Variants in SRD5A1 observed in about 807,000 individuals in gnomAD.
SRD5A1 encodes the protein steroid 5 alpha-reductase 1.
Under a neutral mutation model 28.2 loss-of-function variants are expected in SRD5A1, and 22 were observed. The ratio of observed to expected loss-of-function variants is 0.78; its 90% CI spans 0.56 to 1.12. The LOEUF is 1.12. Ranked by LOEUF, SRD5A1 falls within the 50% of genes most tolerant of loss-of-function variation. The pLI is 0.00. For missense variants in SRD5A1, 300 were observed against 346.7 expected, an observed-to-expected ratio of 0.87 and a Z score of 1.07; for synonymous variants, 151 against 135.0, an observed-to-expected ratio of 1.12 and a Z score of -0.82.
At chr5:6,663,012 ATAT>A in intron 4 of SRD5A1, 46 bp downstream of exon 4, 1 of 1,593,706 alleles carries the variant, frequency 6.3e-7, no homozygotes, top group Non-Finnish European at 8.6e-7. Context: ...TTCTTTGACT[ATAT>A]TATTACCATT....
chr5:6,641,996 C>T lies in SRD5A1; in HGVS notation c.293+8127C>T, dbSNP rs577354071. Among the ~76,000 whole-genome samples the T allele has an allele frequency of 2.4e-4, 36 of 152,306 alleles. No homozygotes were observed. In the South Asian group the frequency reaches 7.2e-3, roughly 31 times the overall value. Reference sequence around the variant, plus strand: ...AGAGCCAGGTAGTGCATATCTTAGGCTTTGTGGGCCAAGATACTGGGTAGG... The same window carrying T: ...AGAGCCAGGTAGTGCATATCTTAGGTTTTGTGGGCCAAGATACTGGGTAGG... On this transcript the variant is annotated intron_variant, in intron 1 of 4. Transcript: ENST00000274192.
At chr5:6,663,804 G>A (rs181563308) in intron 4 of SRD5A1, among the ~76,000 whole-genome samples, 69 of 152,140 alleles carry the variant, frequency 4.5e-4, no homozygotes, top group African/African-American at 1.5e-3. Context: ...AGGCTGCAGT[G>A]AGCCGATATC....
chr5:6,658,084 AG>A (rs1738884720), intron 3 of SRD5A1, among the ~76,000 whole-genome samples: 1 of 152,110 alleles, frequency 6.6e-6, no homozygotes, highest in South Asian at 2.1e-4. Flanking sequence ...CAGCATGTTG[AG>A]AGGCCGAGGT....
chr5:6,666,194 C>T (rs1460821094), intron 4 of SRD5A1, among the ~76,000 whole-genome samples: 1 of 152,052 alleles, frequency 6.6e-6, no homozygotes, highest in Non-Finnish European at 1.5e-5. Flanking sequence ...GTCGCCCAGG[C>T]TGGAGTGCAG....
At chr5:6,663,646 G>A (rs367695421) in intron 4 of SRD5A1, among the ~76,000 whole-genome samples, 3 of 152,268 alleles carry the variant, frequency 2.0e-5, no homozygotes, top group East Asian at 3.9e-4. Flanking sequence ...GATCACTTGA[G>A]GTCAGGAGTT....
intron 3 of SRD5A1, among the ~76,000 whole-genome samples, chr5:6,659,957 G>A (rs1459506054): frequency 6.6e-6 from 1 of 152,140 alleles, no homozygotes; most frequent in Non-Finnish European, 1.5e-5. Context: ...CTAATACACA[G>A]GTGTGCCGTC....
chr5:6,649,363 T>C (rs1375744600), intron 1 of SRD5A1, among the ~76,000 whole-genome samples: 3 of 152,168 alleles, frequency 2.0e-5, no homozygotes, highest in Non-Finnish European at 4.4e-5. Flanking sequence ...GGAGCTGCGG[T>C]TGGCTCTGCC....
chr5:6,639,714 C>A (rs577949070), intron 1 of SRD5A1, among the ~76,000 whole-genome samples: 1 of 152,118 alleles, frequency 6.6e-6, no homozygotes, highest in African/African-American at 2.4e-5. Flanking sequence ...TGAATTTCTC[C>A]GTGTCTCTCA....
intron 1 of SRD5A1, among the ~76,000 whole-genome samples, chr5:6,640,839 T>C (rs1009001148): frequency 6.6e-6 from 1 of 152,254 alleles, no homozygotes; most frequent in African/African-American, 2.4e-5. Context: ...AGAAAACAGA[T>C]ATATGACACA....
chr5:6,665,624 T>C (rs1374791031), intron 4 of SRD5A1, among the ~76,000 whole-genome samples: 2 of 152,150 alleles, frequency 1.3e-5, no homozygotes, highest in African/African-American at 4.8e-5. Context: ...ATATTCCTAA[T>C]ATTTGATGTG....
chr5:6,660,426 A>G (rs956276834), intron 3 of SRD5A1, among the ~76,000 whole-genome samples: 1 of 152,240 alleles, frequency 6.6e-6, no homozygotes, highest in Non-Finnish European at 1.5e-5. Flanking sequence ...TGGCATCTGC[A>G]GGGTATGGTA....
chr5:6,673,660 G>A lies in SRD5A1; in HGVS notation c.*5392G>A, dbSNP rs192539090. The A allele has an allele frequency of 8.5e-5, 13 of 152,276 alleles. No individual in the cohort carries two copies. In the East Asian group the frequency reaches 1.9e-3, roughly 23 times the overall value. The allele number at this position is 152,276 out of a possible 1,614,324, so 9.4% of individuals were successfully genotyped here. ...GTTTATAGCAGCTTTACTCAAAATT[G>A]CCAAAAATTGGAAGCAACCAAGATG... On this transcript the variant is annotated 3_prime_UTR_variant, in exon 5 of 5. Coordinates refer to ENST00000274192, the MANE Select transcript of SRD5A1 (RefSeq NM_001047.4).
chr5:6,662,050 G>C (rs921698011), intron 3 of SRD5A1, among the ~76,000 whole-genome samples: 3 of 152,060 alleles, frequency 2.0e-5, no homozygotes, highest in Non-Finnish European at 4.4e-5. Flanking sequence ...CCCCTCATCT[G>C]GTCTTTGGAG....
At chr5:6,659,277 C>G (rs1738930510) in intron 3 of SRD5A1, among the ~76,000 whole-genome samples, 1 of 151,964 alleles carries the variant, frequency 6.6e-6, no homozygotes, top group Non-Finnish European at 1.5e-5. Context: ...CCACGCCTGG[C>G]TAATTTTTTG....
intron 4 of SRD5A1, among the ~76,000 whole-genome samples, chr5:6,666,430 C>G (rs8192245): frequency 0.065 from 9,900 of 152,250 alleles, 375 homozygotes; most frequent in Admixed American, 0.1. Flanking sequence ...TTACAGGCGT[C>G]AGCCACCGCG....
chr5:6,633,728 C>G lies in SRD5A1; in HGVS notation c.152C>G (p.Pro51Arg). The G allele has an allele frequency of 6.3e-7, 1 of 1,594,180 alleles. No individual in the cohort carries two copies. Among genetic ancestry groups the G allele is most frequent in the Admixed American group, 1.7e-5 (1 of 59,694 alleles). Residue 51 changes from proline (P) to arginine (R), a missense_variant, in exon 1 of 5, where the codon CCG (proline) becomes CGG (arginine). By Grantham distance (103) the Pro-to-Arg change is moderately radical. Transcript: ENST00000274192. ...CTGCCCAGCCACAGGCTCCGAGTGC[C>G]GGCGCGGGCCGCCTGGGTGGTGCAG... Reference protein sequence around the residue: ...HALPSHRLRVPARAAWVVQEL... With the variant: ...HALPSHRLRVRARAAWVVQEL...
intron 1 of SRD5A1, among the ~76,000 whole-genome samples, chr5:6,641,122 G>A (rs1738344144): frequency 6.6e-6 from 1 of 152,142 alleles, no homozygotes; most frequent in African/African-American, 2.4e-5. Flanking sequence ...GTCCAGGCAG[G>A]TGCACCCACC....
At chr5:6,644,926 T>C (rs1205540355) in intron 1 of SRD5A1, 1 of 455,934 alleles carries the variant, frequency 2.2e-6, no homozygotes, top group Non-Finnish European at 4.4e-6. Context: ...TTGCTGGGAT[T>C]CGTTGTTCTT....
At chr5:6,668,049 A>C (rs902172135) in intron 4 of SRD5A1, among the ~76,000 whole-genome samples, 153 bp from the exon 5 acceptor site, 1 of 152,258 alleles carries the variant, frequency 6.6e-6, no homozygotes, top group African/African-American at 2.4e-5. Flanking sequence ...ATAATAGGCA[A>C]AATTAAACTA....
Sources: allele counts gnomAD v4.1 joint callset (sites outside exome capture counted in the v4.1 genomes callset), GRCh38; gene constraint gnomAD v4.1.1; transcripts MANE v1.5; gene names NCBI Gene and HGNC (gene_info 2026-07-23, HGNC 2026-07-21).